NT5M: variants seen among roughly 807,000 people sequenced by gnomAD.
The protein encoded by NT5M is 5',3'-nucleotidase, mitochondrial.
A neutral mutation model predicts 22.2 loss-of-function variants in NT5M; 22 were observed. The observed-to-expected ratio is 0.99, with a 90% confidence interval of 0.71 to 1.41. The LOEUF (loss-of-function observed/expected upper bound fraction) is 1.41, where lower values mean the gene tolerates loss of function less well. Among genes scored for constraint, NT5M ranks in the 40% most tolerant of loss-of-function variants. The pLI is 0.00. For missense variants in NT5M, 322 were observed against 314.8 expected (o/e 1.02, Z -0.17); for synonymous variants, 167 against 133.0 (o/e 1.26, Z -1.76).
intron 2 of NT5M, among the ~76,000 whole-genome samples, chr17:17,308,263 C>T (rs897606992): frequency 9.9e-5 from 15 of 152,080 alleles, no homozygotes; most frequent in Admixed American, 3.9e-4. Context: ...ATGTGCTTCC[C>T]TGAGAGATTT....
chr17:17,334,849 C>T (rs1321477563), intron 3 of NT5M, among the ~76,000 whole-genome samples: 4 of 152,146 alleles, frequency 2.6e-5, no homozygotes, highest in Non-Finnish European at 5.9e-5. Context: ...ATTGTTTTGG[C>T]TATTCTGGGT....
In NT5M at chr17:17,303,421, C is replaced by A; in HGVS notation, c.-130C>A. ...CCCGCACCCCGCGCTCCCCGCCCCG[C>A]TCCCCGTCCCGCGCTCCACGCGCGC... On this transcript the variant is annotated 5_prime_UTR_variant, in exon 1 of 5. Coordinates refer to ENST00000389022, the MANE Select transcript of NT5M (RefSeq NM_020201.4). The A allele has an allele frequency of 4.1e-6, 4 of 982,446 alleles. No homozygotes were observed. The South Asian group carries it at 1.4e-4, about 35-fold the overall frequency. The allele number at this position is 982,446 out of a possible 1,614,324, so 60.9% of individuals were successfully genotyped here. A position where few individuals can be genotyped will look rare whatever the true frequency, so the allele number is the denominator to read the frequency against.
intron 2 of NT5M, among the ~76,000 whole-genome samples, chr17:17,310,194 A>C (rs6502578): frequency 6.6e-6 from 1 of 152,016 alleles, no homozygotes; most frequent in African/African-American, 2.4e-5. Context: ...GAATATATTT[A>C]TAAATCATGT....
intron 3 of NT5M, among the ~76,000 whole-genome samples, chr17:17,331,200 G>A (rs1341548008): frequency 6.6e-6 from 1 of 151,584 alleles, no homozygotes; most frequent in Admixed American, 6.6e-5. Context: ...GCATTCAGGA[G>A]CTTCCCCTGG....
intron 3 of NT5M, among the ~76,000 whole-genome samples, chr17:17,338,435 C>T (rs964881661): frequency 2.0e-5 from 3 of 152,000 alleles, no homozygotes; most frequent in African/African-American, 4.8e-5. Flanking sequence ...TCACGCTATC[C>T]GCCCGCCTCG....
chr17:17,329,435 G>C (rs1402979805), intron 3 of NT5M, among the ~76,000 whole-genome samples: 1 of 152,172 alleles, frequency 6.6e-6, no homozygotes, highest in Non-Finnish European at 1.5e-5. Context: ...TCCTTGACTT[G>C]AAACTTAAGC....
intron 2 of NT5M, among the ~76,000 whole-genome samples, chr17:17,316,358 G>GGCCA (rs2049027117): frequency 7.4e-6 from 1 of 136,000 alleles, no homozygotes; most frequent in South Asian, 2.4e-4. Flanking sequence ...GTGCCCAGCT[G>GGCCA]TAACTTAGGT....
At position 17,303,836 on chromosome 17, in the gene NT5M, C is replaced by T; in HGVS notation, c.267+19C>T. The T allele has an allele frequency of 7.2e-7, 1 of 1,379,966 alleles. No individual in the cohort carries two copies. The highest frequency in any genetic ancestry group is 9.5e-7 in the Non-Finnish European group (1 of 1,054,880). The allele number at this position is 1,379,966 out of a possible 1,614,324, so 85.5% of individuals were successfully genotyped here. ...GCTGAGCGTGAGCGTCCCCGCCCCG[C>T]CCCGCGCCGGGCCTCCTTCTCGCCC... On this transcript the variant is annotated intron_variant, in intron 1 of 4. Transcript: ENST00000389022.
intron 2 of NT5M, among the ~76,000 whole-genome samples, chr17:17,312,597 T>C (rs554338176): frequency 2.0e-5 from 3 of 149,070 alleles, no homozygotes; most frequent in Admixed American, 6.7e-5. Context: ...TGAGCCAAGA[T>C]TGCGCCATTG....
At chr17:17,324,338 G>C (rs923958175) in intron 3 of NT5M, among the ~76,000 whole-genome samples, 1 of 151,538 alleles carries the variant, frequency 6.6e-6, no homozygotes, top group African/African-American at 2.4e-5. Flanking sequence ...ACGAAAATCA[G>C]CTGGGTGTAG....
At chr17:17,319,785 A>AT (rs1254506041) in intron 2 of NT5M, among the ~76,000 whole-genome samples, 1 of 151,998 alleles carries the variant, frequency 6.6e-6, no homozygotes. Flanking sequence ...AGGCGTGTTT[A>AT]TTTCTTGATT....
chr17:17,324,965 G>A (rs1311401308), intron 3 of NT5M, among the ~76,000 whole-genome samples: 3 of 152,198 alleles, frequency 2.0e-5, no homozygotes, highest in Non-Finnish European at 4.4e-5. Context: ...ACTGTTTCAG[G>A]TCGAGCAGTG....
intron 3 of NT5M, among the ~76,000 whole-genome samples, chr17:17,325,921 T>A (rs1044485957): frequency 6.6e-6 from 1 of 152,192 alleles, no homozygotes; most frequent in Non-Finnish European, 1.5e-5. Flanking sequence ...CCACTTGAAA[T>A]GGGTTTGTGT....
In NT5M at chr17:17,303,814, G is replaced by T. The variant is rs942853824; in HGVS notation, c.264G>T (p.Leu88=). The change falls in exon 1 of 5, where the codon CTG becomes CTT. Residue 88 remains leucine (L), a synonymous_variant. Coordinates refer to ENST00000389022, the MANE Select transcript of NT5M (RefSeq NM_020201.4). ...AGTACGGCCGCCTGCGGCCAGGGCT[G>T]AGCGTGAGCGTCCCCGCCCCGCCCC... ...SEQYGRLRPG[L]SEKAISIWES... is the part of the protein sequence containing the mutation. The T allele has an allele frequency of 1.2e-5, 18 of 1,464,488 alleles. No homozygotes were observed. Among genetic ancestry groups the T allele is most frequent in the Non-Finnish European group, 1.6e-5 (18 of 1,096,356 alleles). The allele number at this position is 1,464,488 out of a possible 1,614,324, so 90.7% of individuals were successfully genotyped here.
chr17:17,342,028 C>CAA (rs1023787286), intron 3 of NT5M, among the ~76,000 whole-genome samples: 1 of 144,028 alleles, frequency 6.9e-6, no homozygotes, highest in African/African-American at 2.6e-5. Context: ...GACTCTGTCT[C>CAA]AAAAAAAAGA....
intron 2 of NT5M, among the ~76,000 whole-genome samples, chr17:17,314,040 C>CTTTTTTTT (rs71281038): frequency 0.091 from 13,019 of 142,840 alleles, 801 homozygotes; most frequent in Non-Finnish European, 0.12. Flanking sequence ...TGAATATATT[C>CTTTTTTTT]TTTTTTTTTT....
At chr17:17,319,286 T>C (rs1006143033) in intron 2 of NT5M, among the ~76,000 whole-genome samples, 1 of 150,536 alleles carries the variant, frequency 6.6e-6, no homozygotes, top group African/African-American at 2.4e-5. Context: ...CCCCGGGCTG[T>C]GGGGAGGGGC....
At chr17:17,316,440 A>G (rs761302968) in intron 2 of NT5M, among the ~76,000 whole-genome samples, 6 of 151,242 alleles carry the variant, frequency 4.0e-5, no homozygotes, top group Non-Finnish European at 8.8e-5. Flanking sequence ...CAATGGCATG[A>G]TCTTGGCTCG....
chr17:17,307,977 G>A lies in NT5M; in HGVS notation c.368+1334G>A, dbSNP rs543674714. Among the ~76,000 whole-genome samples the A allele has an allele frequency of 2.0e-5, 3 of 152,232 alleles. No homozygotes were observed. The South Asian group carries it at 6.2e-4, about 32-fold the overall frequency. On this transcript the variant is annotated intron_variant, in intron 2 of 4. Coordinates refer to ENST00000389022, the MANE Select transcript of NT5M (RefSeq NM_020201.4). The stretch of plus-strand genomic sequence containing the variant: ...AAGCAGGAGAATAGCTTGAGCCCAG[G>A]AAGTGGAGGTTGCAGTGAGCTGAGA...
Sources: gnomAD v4.1 joint callset for allele counts (sites outside exome capture counted in the v4.1 genomes callset) on GRCh38, gnomAD v4.1.1 for gene constraint, MANE v1.5 for transcripts, NCBI Gene and HGNC (gene_info 2026-07-23, HGNC 2026-07-21) for gene names.